The following PTPRD variants were observed in gnomAD, a reference collection of about 807,000 sequenced individuals.
The protein encoded by PTPRD is receptor-type tyrosine-protein phosphatase delta.
PTPRD carries 34 observed loss-of-function variants against 214.5 expected under a neutral mutation model. That is an observed-to-expected ratio of 0.16 (90% CI 0.12 to 0.21). The LOEUF is 0.21. Among genes scored for constraint, PTPRD ranks in the 10% least tolerant of loss-of-function variants. The probability of loss-of-function intolerance (pLI) is 1.00; values close to 1 mark genes in which losing one functional copy is unlikely to be tolerated. For missense variants in PTPRD, 2,545 were observed against 2,398.7 expected (o/e 1.06, Z -1.27); for synonymous variants, 1,128 against 845.7 (o/e 1.33, Z -5.79).
intron 11 of PTPRD, among the ~76,000 whole-genome samples, chr9:9,004,049 T>G (rs1297501485): frequency 1.3e-5 from 2 of 152,066 alleles, no homozygotes; most frequent in African/African-American, 4.8e-5. Flanking sequence ...GTGCTTATGT[T>G]TCTCCTTTAG....
intron 5 of PTPRD, among the ~76,000 whole-genome samples, chr9:9,845,149 GCTCTATATATAGAGCAATATATATA>G (rs2059258981): frequency 2.1e-4 from 1 of 4,702 alleles, no homozygotes; most frequent in Admixed American, 3.0e-3. Context: ...TATATATATT[GCTCTATATATAGAGCAATATATATA>G]TATATATTGC....
chr9:9,546,098 T>C (rs564386230), intron 8 of PTPRD, among the ~76,000 whole-genome samples: 1 of 151,888 alleles, frequency 6.6e-6, no homozygotes, highest in East Asian at 1.9e-4. Context: ...TTATTTCTGG[T>C]ATATAGAAAT....
intron 11 of PTPRD, among the ~76,000 whole-genome samples, chr9:8,995,150 G>A (rs543050987): frequency 6.1e-4 from 93 of 152,038 alleles, no homozygotes; most frequent in Non-Finnish European, 1.1e-3. Flanking sequence ...TTAAAAGGAG[G>A]AGAAACTTAA....
intron 35 of PTPRD, among the ~76,000 whole-genome samples, chr9:8,410,281 T>C (rs1297494030): frequency 6.6e-6 from 1 of 152,204 alleles, no homozygotes; most frequent in Non-Finnish European, 1.5e-5. Context: ...GAAACTGAAA[T>C]GTGAGGAAGG....
chr9:9,300,690 G>A (rs1954936355), intron 9 of PTPRD, among the ~76,000 whole-genome samples: 1 of 151,790 alleles, frequency 6.6e-6, no homozygotes, highest in African/African-American at 2.4e-5. Context: ...TCAGCCGTTG[G>A]ATAGGTAGAA....
intron 2 of PTPRD, among the ~76,000 whole-genome samples, chr9:10,432,927 T>C (rs2098692731): frequency 6.6e-6 from 1 of 151,980 alleles, no homozygotes; most frequent in African/African-American, 2.4e-5. Flanking sequence ...CCATCCCCTT[T>C]TCATTTGCTA....
chr9:10,397,142 A>T (rs956602686), intron 2 of PTPRD, among the ~76,000 whole-genome samples: 1 of 152,188 alleles, frequency 6.6e-6, no homozygotes, highest in South Asian at 2.1e-4. Flanking sequence ...AAAAGGCAAC[A>T]ATTTAAACAA....
At chr9:9,086,411 C>A (rs191261127) in intron 10 of PTPRD, among the ~76,000 whole-genome samples, 8 of 152,222 alleles carry the variant, frequency 5.3e-5, no homozygotes, top group Admixed American at 5.2e-4. Context: ...GAAAAGCTGT[C>A]CCTCTTAAGA....
At chr9:10,532,919 A>C (rs1372107563) in intron 2 of PTPRD, among the ~76,000 whole-genome samples, 1 of 151,794 alleles carries the variant, frequency 6.6e-6, no homozygotes, top group East Asian at 1.9e-4. Context: ...CCCCACCAAA[A>C]CTCATGCTGA....
intron 2 of PTPRD, among the ~76,000 whole-genome samples, chr9:10,503,705 A>T (rs1362054161): frequency 2.0e-5 from 3 of 152,130 alleles, no homozygotes; most frequent in Non-Finnish European, 4.4e-5. Context: ...AGGCCAGATT[A>T]AAGATAAATG....
chr9:10,509,645 C>A (rs2047352205), intron 2 of PTPRD, among the ~76,000 whole-genome samples: 1 of 146,150 alleles, frequency 6.8e-6, no homozygotes, highest in Admixed American at 7.0e-5. Context: ...TTTTTTAATG[C>A]CCTCACTCAC....
rs185760256 is a variant in PTPRD at position 10,568,912 on chromosome 9, A to G, written c.-600+43486T>C. On this transcript the variant is annotated intron_variant, in intron 2 of 45. Transcript: ENST00000381196. ...AAAAGCAATGGCAACAAAAGCCAAA[A>G]TTGACAAATGGGATCTAATTAAACT... is the stretch of plus-strand genomic sequence containing the variant. 3.4e-3 allele frequency among the ~76,000 whole-genome samples: 521 copies of G among 152,312 alleles called. 5 individuals carry two copies. Among genetic ancestry groups the G allele is most frequent in the African/African-American group, 0.012 (485 of 41,578 alleles).
intron 3 of PTPRD, among the ~76,000 whole-genome samples, chr9:10,273,106 A>AG (rs1297309688): frequency 6.6e-6 from 1 of 152,198 alleles, no homozygotes; most frequent in African/African-American, 2.4e-5. Flanking sequence ...TATTCAGAGA[A>AG]GAACTTACCT....
chr9:8,402,481 G>T (rs1267142907), intron 36 of PTPRD, among the ~76,000 whole-genome samples: 1 of 152,190 alleles, frequency 6.6e-6, no homozygotes, highest in Non-Finnish European at 1.5e-5. Context: ...CTAATTCTTA[G>T]TGGAAACAAT....
At chr9:8,699,864 G>C (rs565822446) in intron 12 of PTPRD, among the ~76,000 whole-genome samples, 1 of 152,064 alleles carries the variant, frequency 6.6e-6, no homozygotes, top group East Asian at 1.9e-4. Context: ...AGCCTAGCAA[G>C]AGTTTCCCAT....
intron 2 of PTPRD, among the ~76,000 whole-genome samples, chr9:10,462,997 G>T (rs2098969512): frequency 6.7e-6 from 1 of 149,992 alleles, no homozygotes; most frequent in Non-Finnish European, 1.5e-5. Flanking sequence ...TTATATATAT[G>T]CCATACTCAT....
intron 3 of PTPRD, among the ~76,000 whole-genome samples, chr9:10,290,327 G>C (rs887024724): frequency 5.3e-5 from 8 of 152,178 alleles, no homozygotes; most frequent in Middle Eastern, 3.4e-3. Flanking sequence ...ACAATCTTAA[G>C]CTGCTTCTTT....
chr9:9,932,274 A>C (rs2086974234), intron 5 of PTPRD, among the ~76,000 whole-genome samples: 1 of 149,236 alleles, frequency 6.7e-6, no homozygotes, highest in Non-Finnish European at 1.5e-5. Context: ...CGATCAAATT[A>C]CTCTGAGCTA....
chr9:9,662,600 A>G (rs558907712), intron 7 of PTPRD, among the ~76,000 whole-genome samples: 38 of 151,780 alleles, frequency 2.5e-4, no homozygotes, highest in African/African-American at 9.1e-4. Context: ...GAAAAGGCTA[A>G]GAAAACATTT....
Sources: gnomAD v4.1 joint callset for allele counts (sites outside exome capture counted in the v4.1 genomes callset) on GRCh38, gnomAD v4.1.1 for gene constraint, MANE v1.5 for transcripts, NCBI Gene and HGNC (gene_info 2026-07-23, HGNC 2026-07-21) for gene names.